The following WASF3 variants were observed in gnomAD, a reference collection of about 807,000 sequenced individuals.
The protein encoded by WASF3 is WASP family member 3, also known as actin-binding protein WASF3.
WASF3 carries 11 observed loss-of-function variants against 46.6 expected under a neutral mutation model. The observed-to-expected ratio is 0.24, with a 90% CI of 0.15 to 0.39. The LOEUF (loss-of-function observed/expected upper bound fraction) is 0.39, where lower values mean the gene tolerates loss of function less well. Among genes scored for constraint, WASF3 ranks in the 10% least tolerant of loss-of-function variants. The probability of loss-of-function intolerance (pLI) is 1.00; values close to 1 mark genes in which losing one functional copy is unlikely to be tolerated. For missense variants in WASF3, 576 were observed against 669.8 expected, an observed-to-expected ratio of 0.86 and a Z score of 1.55; for synonymous variants, 242 against 259.7, an observed-to-expected ratio of 0.93 and a Z score of 0.65.
chr13:26,655,295 C>G (rs760511585), intron 3 of WASF3, among the ~76,000 whole-genome samples: 3 of 151,944 alleles, frequency 2.0e-5, no homozygotes, highest in African/African-American at 7.3e-5. Flanking sequence ...ATGGAATGTC[C>G]GTTGGTCTGG....
At chr13:26,644,901 C>T (rs1882103860) in intron 3 of WASF3, among the ~76,000 whole-genome samples, 1 of 152,162 alleles carries the variant, frequency 6.6e-6, no homozygotes, top group Non-Finnish European at 1.5e-5. Context: ...TCTTGACCTG[C>T]CCAGGATGGC....
chr13:26,609,125 A>G (rs764949572), intron 1 of WASF3, among the ~76,000 whole-genome samples: 13 of 152,240 alleles, frequency 8.5e-5, no homozygotes, highest in South Asian at 2.1e-4. Flanking sequence ...TAGATTAACA[A>G]TGAGTCATTT....
At chr13:26,550,646 C>A in the WASF3 span, among the ~76,000 whole-genome samples, 1 of 152,240 alleles carries the variant, frequency 6.6e-6, no homozygotes, top group South Asian at 2.1e-4. Context: ...TTCTGGGGTC[C>A]AAGGTAAGTG....
chr13:26,625,768 A>T (rs1195130282), intron 2 of WASF3, among the ~76,000 whole-genome samples: 1 of 152,190 alleles, frequency 6.6e-6, no homozygotes, highest in East Asian at 1.9e-4. Context: ...CATAAAATGA[A>T]CCATTACATT....
chr13:26,569,180 G>A (rs1231395441), intron 1 of WASF3, among the ~76,000 whole-genome samples: 2 of 152,124 alleles, frequency 1.3e-5, no homozygotes, highest in Non-Finnish European at 2.9e-5. Flanking sequence ...CAATCATAGA[G>A]GAAAGTTTTT....
chr13:26,559,235 A>G (rs1879203208), intron 1 of WASF3, among the ~76,000 whole-genome samples: 1 of 152,222 alleles, frequency 6.6e-6, no homozygotes, highest in Non-Finnish European at 1.5e-5. Flanking sequence ...CTTAGTTGGT[A>G]TTCACAAAAG....
At chr13:26,657,228 A>G (rs904984035) in intron 3 of WASF3, among the ~76,000 whole-genome samples, 3 of 152,258 alleles carry the variant, frequency 2.0e-5, no homozygotes, top group South Asian at 2.1e-4. Context: ...CTCTGGAAGA[A>G]TGCCCTAAAG....
At chr13:26,615,342 C>T (rs1254653007) in intron 2 of WASF3, among the ~76,000 whole-genome samples, 1 of 152,084 alleles carries the variant, frequency 6.6e-6, no homozygotes, top group African/African-American at 2.4e-5. Flanking sequence ...CGGAGTCTCG[C>T]TCTGTCACCA....
At chr13:26,601,421 G>T (rs1241153215) in intron 1 of WASF3, among the ~76,000 whole-genome samples, 3 of 152,064 alleles carry the variant, frequency 2.0e-5, no homozygotes, top group African/African-American at 7.2e-5. Context: ...CTACAGAGAT[G>T]AGGCCTGCCT....
chr13:26,596,343 T>TAAA (rs990248445), intron 1 of WASF3, among the ~76,000 whole-genome samples: 61 of 151,856 alleles, frequency 4.0e-4, no homozygotes, highest in African/African-American at 1.4e-3. Context: ...CTTTTTTTTT[T>TAAA]AAAAAAAGCT....
At chr13:26,559,287 A>G (rs1020636700) in intron 1 of WASF3, among the ~76,000 whole-genome samples, 1 of 152,210 alleles carries the variant, frequency 6.6e-6, no homozygotes, top group Non-Finnish European at 1.5e-5. Context: ...AGTTTGGTCA[A>G]CTATTATATT....
rs201601591 is a variant in WASF3 at position 26,682,848 on chromosome 13, G to C, written c.1225G>C (p.Gly409Arg). ...ACCACCTCCCCCGCCAGGCCCTCCT[G>C]GTCCCGGGTCTTCTCTTTCGTCCTC... ...GPPPPPPGPPGPGSSLSSSPM... is the reference protein window; with the variant it reads ...GPPPPPPGPPRPGSSLSSSPM... Residue 409 changes from glycine (G) to arginine (R), a missense_variant, in exon 9 of 10, where the codon GGT (glycine) becomes CGT (arginine). This residue lies in a region of WASF3 where 295 missense variants were observed against 291.5 expected (regional missense o/e 1.01). Transcript: ENST00000335327. The surrounding 1 kb of genome is among the most constrained non-coding windows in gnomAD (Gnocchi z 4.4). The C allele has an allele frequency of 9.8e-5, 158 of 1,610,264 alleles. No individual in the cohort carries two copies. Among genetic ancestry groups the C allele is most frequent in the Admixed American group, 2.8e-4 (17 of 59,872 alleles).
chr13:26,584,785 C>T (rs1001553323), intron 1 of WASF3, among the ~76,000 whole-genome samples: 4 of 152,280 alleles, frequency 2.6e-5, no homozygotes, highest in South Asian at 2.1e-4. Flanking sequence ...AAGGCATATA[C>T]GTGACAAGCA....
intron 3 of WASF3, among the ~76,000 whole-genome samples, chr13:26,660,194 G>GTTTTTTTTTTTTTTTTTTTTTTTTTTT (rs71080285): frequency 2.3e-5 from 1 of 43,374 alleles, no homozygotes; most frequent in African/African-American, 7.4e-5. Context: ...TTTTTGTTTG[G>GTTTTTTTTTTTTTTTTTTTTTTTTTTT]TTTTTTTTTT....
chr13:26,572,167 T>C (rs1045523866), intron 1 of WASF3, among the ~76,000 whole-genome samples: 1 of 152,220 alleles, frequency 6.6e-6, no homozygotes, highest in Admixed American at 6.5e-5. Context: ...CCATTGTTTG[T>C]GCCTTTAATT....
chr13:26,558,237 G>T (rs1423710943), intron 1 of WASF3, among the ~76,000 whole-genome samples: 3 of 152,040 alleles, frequency 2.0e-5, no homozygotes, highest in Non-Finnish European at 2.9e-5. Flanking sequence ...CGGGACCTTC[G>T]CATCCGTTCA....
intron 1 of WASF3, among the ~76,000 whole-genome samples, chr13:26,585,654 G>A (rs1880107673): frequency 6.6e-6 from 1 of 152,104 alleles, no homozygotes; most frequent in Non-Finnish European, 1.5e-5. Flanking sequence ...CTCTGTTGAT[G>A]TTATAAATTT....
intron 3 of WASF3, 80 bp from the exon 4 acceptor site, chr13:26,664,948 A>G (rs1022788486): frequency 4.2e-6 from 6 of 1,438,858 alleles, no homozygotes; most frequent in Admixed American, 3.4e-5. Flanking sequence ...GTTGACAGGA[A>G]TAAGCACTGG....
chr13:26,654,595 G>C (rs1483520499), intron 3 of WASF3, among the ~76,000 whole-genome samples: 1 of 152,186 alleles, frequency 6.6e-6, no homozygotes, highest in African/African-American at 2.4e-5. Flanking sequence ...CTGAAAAAAT[G>C]AATATGCTTA....
Sources: allele counts gnomAD v4.1 joint callset (sites outside exome capture counted in the v4.1 genomes callset), GRCh38; gene constraint gnomAD v4.1.1; regional missense constraint gnomAD v4.1.1; non-coding constraint Gnocchi (gnomAD v3.1); transcripts MANE v1.5; gene names NCBI Gene and HGNC (gene_info 2026-07-23, HGNC 2026-07-21).